TRERF1: variants seen among roughly 807,000 people sequenced by gnomAD.
TRERF1 encodes the protein transcriptional-regulating factor 1.
A neutral mutation model predicts 122.9 loss-of-function variants in TRERF1; 27 were observed. The observed-to-expected ratio is 0.22, with a 90% CI of 0.16 to 0.30. The LOEUF is 0.30. TRERF1 is among the 10% of genes least tolerant of loss of function. The pLI is 1.00. For missense variants in TRERF1, 1,248 were observed against 1,560.3 expected, an observed-to-expected ratio of 0.80 and a Z score of 3.37; for synonymous variants, 636 against 641.7, an observed-to-expected ratio of 0.99 and a Z score of 0.13.
intron 2 of TRERF1, among the ~76,000 whole-genome samples, chr6:42,364,329 C>T (rs915482007): frequency 1.3e-5 from 2 of 152,212 alleles, no homozygotes; most frequent in African/African-American, 4.8e-5. Flanking sequence ...ACCCCGGCCC[C>T]CTTCCTAGCC....
intron 3 of TRERF1, among the ~76,000 whole-genome samples, chr6:42,337,174 G>A (rs1166931721): frequency 6.6e-6 from 1 of 152,214 alleles, no homozygotes; most frequent in Non-Finnish European, 1.5e-5. Flanking sequence ...AGACCCAGCA[G>A]GGAGGCAGCT....
intron 2 of TRERF1, among the ~76,000 whole-genome samples, chr6:42,377,586 C>A (rs75268917): frequency 0.061 from 9,238 of 152,264 alleles, 370 homozygotes; most frequent in Middle Eastern, 0.11. Context: ...AAGGACAGAA[C>A]AAATGATGCT....
chr6:42,364,814 G>A (rs1772421751), intron 2 of TRERF1, among the ~76,000 whole-genome samples: 1 of 152,208 alleles, frequency 6.6e-6, no homozygotes, highest in South Asian at 2.1e-4. Context: ...CCATCTGTAA[G>A]GGGAGGAGAA....
chr6:42,252,218 T>C (rs1775958520), intron 13 of TRERF1, among the ~76,000 whole-genome samples: 1 of 152,220 alleles, frequency 6.6e-6, no homozygotes, highest in African/African-American at 2.4e-5. Context: ...CGTCGGCCCT[T>C]CCCCCATAGC....
chr6:42,248,491 T>C (rs754501658), intron 13 of TRERF1, among the ~76,000 whole-genome samples: 1 of 152,070 alleles, frequency 6.6e-6, no homozygotes, highest in Non-Finnish European at 1.5e-5. Context: ...TAGATGAGAT[T>C]ACAGGTGCGT....
chr6:42,334,192 G>A (rs1051217187), intron 3 of TRERF1, among the ~76,000 whole-genome samples: 1 of 152,076 alleles, frequency 6.6e-6, no homozygotes, highest in Non-Finnish European at 1.5e-5. Flanking sequence ...AAGGCAAGTG[G>A]GACCTGGCAC....
rs1465808827 is a variant in TRERF1 at position 42,268,389 on chromosome 6, T to C, written c.1202A>G (p.Gln401Arg). The C allele has an allele frequency of 5.8e-6, 9 of 1,542,648 alleles. No individual in the cohort carries two copies. The South Asian group carries it at 8.9e-5, about 15-fold the overall frequency. ...GGTCTTCAGCTGACTGTCCTCACGC[T>C]GCTGGTGCTGGGACAGGTGGCTCTG... The change falls in exon 5 of 18, where the codon CAG (glutamine) becomes CGG (arginine). Residue 401 changes from glutamine (Q) to arginine (R), a missense_variant. Coordinates refer to ENST00000372922, the Ensembl canonical transcript of TRERF1. This position sits in a 1 kb window ranked among gnomAD's most constrained non-coding sequence, Gnocchi z 4.4.
At chr6:42,251,939 A>C (rs151074695) in intron 13 of TRERF1, among the ~76,000 whole-genome samples, 2 of 152,330 alleles carry the variant, frequency 1.3e-5, no homozygotes, top group African/African-American at 2.4e-5. Flanking sequence ...AGCATGCTGC[A>C]ATCCATCTAA....
Position 42,268,243 on chromosome 6 carries a change from G to A in TRERF1, c.1348C>T (p.His450Tyr), listed in dbSNP as rs1376008542. Residue 450 changes from histidine (H) to tyrosine (Y), a missense_variant, in exon 5 of 18, where the codon CAT becomes TAT. Physicochemically the swap from His to Tyr is moderately conservative, Grantham distance 83. Coordinates refer to ENST00000372922, the Ensembl canonical transcript of TRERF1. This position sits in a 1 kb window ranked among gnomAD's most constrained non-coding sequence, Gnocchi z 4.4. ...CCACTGGGGGATAGGAGGGGGCGATGGGGGAGGGTGCTGCTGACCCGGGTC... is the reference window on the plus strand; with the variant it reads ...CCACTGGGGGATAGGAGGGGGCGATAGGGGAGGGTGCTGCTGACCCGGGTC... 4.0e-6 allele frequency: 6 copies of A among 1,497,730 alleles called. No individual in the cohort carries two copies. The highest frequency in any genetic ancestry group is 5.3e-6 in the Non-Finnish European group (6 of 1,123,980). 92.8% of individuals were successfully genotyped at this position (1,497,730 alleles called of 1,614,324 possible). A position where few individuals can be genotyped will look rare whatever the true frequency, so the allele number is the denominator to read the frequency against.
rs1778643248 is a variant in TRERF1 at position 42,263,596 on chromosome 6, T to C, written c.1636-28A>G. 1 of 1,474,918 alleles carries C rather than the reference T, an allele frequency of 6.8e-7. No individual in the cohort carries two copies. The allele number at this position is 1,474,918 out of a possible 1,614,324, so 91.4% of individuals were successfully genotyped here. ...ACACAGACAATAAAGGCTTTGATCC[T>C]GGGCTGAGAGCAGCTCTCACAAGGG... is the stretch of plus-strand genomic sequence containing the variant. On this transcript the variant is annotated intron_variant, in intron 7 of 17. Transcript: ENST00000372922. This position sits in a 1 kb window ranked among gnomAD's most constrained non-coding sequence, Gnocchi z 5.6.
chr6:42,312,482 C>T (rs922453828), intron 3 of TRERF1, among the ~76,000 whole-genome samples: 4 of 152,232 alleles, frequency 2.6e-5, no homozygotes, highest in African/African-American at 4.8e-5. Flanking sequence ...GCTTACAAAA[C>T]GCACAACAGG....
Position 42,408,268 on chromosome 6 carries a change from T to C in TRERF1, c.-454+42909A>G, listed in dbSNP as rs1385883414. 2.6e-3 allele frequency among the ~76,000 whole-genome samples: 306 copies of C among 119,378 alleles called. 4 individuals carry two copies. Among genetic ancestry groups the C allele is most frequent in the African/African-American group, 9.7e-3 (289 of 29,794 alleles). 78.3% of individuals were successfully genotyped at this position (119,378 alleles called of 152,430 possible). A position where few individuals can be genotyped will look rare whatever the true frequency, so the allele number is the denominator to read the frequency against. ...ATATATACATACACATGTGTGTGTA[T>C]GTATATATACATACACATGTGTGTG... is the stretch of plus-strand genomic sequence containing the variant. On this transcript the variant is annotated intron_variant, in intron 2 of 17. Transcript: ENST00000372922.
At chr6:42,282,733 G>T (rs1782513436) in intron 4 of TRERF1, among the ~76,000 whole-genome samples, 1 of 152,112 alleles carries the variant, frequency 6.6e-6, no homozygotes, top group African/African-American at 2.4e-5. Context: ...TACATATGTA[G>T]GTATATAGAT....
intron 3 of TRERF1, among the ~76,000 whole-genome samples, chr6:42,301,787 C>T (rs1535832): frequency 0.39 from 59,030 of 152,090 alleles, 11,694 homozygotes; most frequent in African/African-American, 0.45. Context: ...AGCTGAGTAG[C>T]AGCATTGCTA....
At chr6:42,251,422 T>TG in intron 13 of TRERF1, among the ~76,000 whole-genome samples, 1 of 152,252 alleles carries the variant, frequency 6.6e-6, no homozygotes, top group Non-Finnish European at 1.5e-5. Flanking sequence ...AGTAATTTTT[T>TG]GGGGGGTGCA....
intron 2 of TRERF1, among the ~76,000 whole-genome samples, chr6:42,399,817 G>A (rs1342226117): frequency 6.6e-6 from 1 of 152,114 alleles, no homozygotes; most frequent in African/African-American, 2.4e-5. Context: ...GGGAACAGAG[G>A]CCAGCTTCTC....
chr6:42,435,789 C>T (rs1419425159), intron 2 of TRERF1, among the ~76,000 whole-genome samples: 1 of 149,650 alleles, frequency 6.7e-6, no homozygotes, highest in Non-Finnish European at 1.5e-5. Flanking sequence ...TCCTGGCCAA[C>T]ATAGTGAAAC....
chr6:42,380,297 G>A (rs1051954537), intron 2 of TRERF1, among the ~76,000 whole-genome samples: 1 of 152,176 alleles, frequency 6.6e-6, no homozygotes, highest in African/African-American at 2.4e-5. Context: ...TTCTCTGGGG[G>A]AGATGGAGCA....
At chr6:42,244,942 C>T (rs978007484) in intron 14 of TRERF1, among the ~76,000 whole-genome samples, 9 of 152,222 alleles carry the variant, frequency 5.9e-5, no homozygotes, top group African/African-American at 2.2e-4. Context: ...AAAGGCTGGC[C>T]TTACCCTTGA....
Sources: gnomAD v4.1 joint callset for allele counts (sites outside exome capture counted in the v4.1 genomes callset) on GRCh38, gnomAD v4.1.1 for gene constraint, Gnocchi (gnomAD v3.1) non-coding constraint, MANE v1.5 for transcripts, NCBI Gene and HGNC (gene_info 2026-07-23, HGNC 2026-07-21) for gene names.